CKMT2: variants seen among roughly 807,000 people sequenced by gnomAD.
CKMT2 encodes creatine kinase, mitochondrial 2.
Under a neutral mutation model 48.9 loss-of-function variants are expected in CKMT2, and 43 were observed. The ratio of observed to expected loss-of-function variants is 0.88; its 90% confidence interval spans 0.69 to 1.13. The LOEUF (loss-of-function observed/expected upper bound fraction) is 1.13. CKMT2 is among the 50% of genes most tolerant of loss of function. CKMT2 has a pLI of 0.00. For synonymous variants in CKMT2, 206 were observed against 213.0 expected (o/e 0.97, Z 0.29); for missense variants, 472 against 555.4 (o/e 0.85, Z 1.51).
chr5:81,255,473 G>A (rs148096093), intron 5 of CKMT2, among the ~76,000 whole-genome samples: 166 of 152,338 alleles, frequency 1.1e-3, no homozygotes, highest in African/African-American at 3.8e-3. Flanking sequence ...TGGTGCCTGC[G>A]GTTAGGAGGG....
chr5:81,251,365 A>C, intron 2 of CKMT2, 81 bp downstream of exon 2: 1 of 1,452,178 alleles, frequency 6.9e-7, no homozygotes, highest in Non-Finnish European at 9.5e-7. Context: ...GGAAGGCCAG[A>C]TCACGAGGTC....
At chr5:81,241,618 A>C (rs1033812986) in intron 1 of CKMT2, among the ~76,000 whole-genome samples, 1 of 152,250 alleles carries the variant, frequency 6.6e-6, no homozygotes, top group African/African-American at 2.4e-5. Flanking sequence ...GCAATTAGCG[A>C]ACACAAATGG....
chr5:81,251,300 T>A lies in CKMT2; in HGVS notation c.152+16T>A. ...TTCCTCCAAGGTAAGGGCTCCTGAC[T>A]TTAAAATAACCTCAGGCCAGGCACG... On this transcript the variant is annotated intron_variant, in intron 2 of 9. Coordinates refer to ENST00000254035, the MANE Select transcript of CKMT2 (RefSeq NM_001099735.2). The A allele has an allele frequency of 6.2e-7, 1 of 1,612,910 alleles. No individual in the cohort carries two copies. The highest frequency in any genetic ancestry group is 1.7e-4 in the Middle Eastern group (1 of 5,734).
chr5:81,258,536 A>G (rs1757094621), intron 7 of CKMT2, among the ~76,000 whole-genome samples: 1 of 152,140 alleles, frequency 6.6e-6, no homozygotes, highest in South Asian at 2.1e-4. Context: ...CAGGCCAGGT[A>G]CTATGTTGAC....
intron 5 of CKMT2, among the ~76,000 whole-genome samples, chr5:81,256,127 G>A (rs1477955553): frequency 6.6e-6 from 1 of 152,086 alleles, no homozygotes; most frequent in East Asian, 1.9e-4. Context: ...ATATCTCTCT[G>A]TAGAGTATGT....
At chr5:81,244,874 C>CA (rs1218269287) in intron 1 of CKMT2, 1 of 128,086 alleles carries the variant, frequency 7.8e-6, no homozygotes, top group Admixed American at 9.1e-5. Flanking sequence ...TTTTTTGAGA[C>CA]AGAGTCTTAC....
chr5:81,243,474 C>T (rs985276288), intron 1 of CKMT2, among the ~76,000 whole-genome samples: 12 of 152,032 alleles, frequency 7.9e-5, no homozygotes, highest in Non-Finnish European at 1.3e-4. Context: ...ATAGAAACAG[C>T]AAACCAATAT....
rs929146437 is a variant in CKMT2, at chr5:81,247,910, C to G, written c.-20-3203C>G. On this transcript the variant is annotated intron_variant, in intron 1 of 9. Transcript: ENST00000254035. ...ACAATCAAAGCTTCCCCAGGATTAT[C>G]TGCATGAGTCATCCTTTGTTGCTCA... 7.4e-4 allele frequency among the ~76,000 whole-genome samples: 113 copies of G among 152,288 alleles called. 2 individuals carry two copies. Among genetic ancestry groups the G allele is most frequent in the African/African-American group, 2.5e-3 (105 of 41,544 alleles).
chr5:81,251,336 C>A, intron 2 of CKMT2, 52 bp downstream of exon 2: 1 of 1,582,628 alleles, frequency 6.3e-7, no homozygotes, highest in Non-Finnish European at 8.6e-7. Flanking sequence ...GTGGCTCATG[C>A]ATGTAATCCC....
chr5:81,257,539 A>G (rs1757056169), intron 6 of CKMT2, among the ~76,000 whole-genome samples, 194 bp from the exon 7 acceptor site: 1 of 152,306 alleles, frequency 6.6e-6, no homozygotes, highest in East Asian at 1.9e-4. Context: ...TTTTAGGGTG[A>G]GAGTTGGTCT....
chr5:81,249,370 C>T (rs1037667128), intron 1 of CKMT2, among the ~76,000 whole-genome samples: 24 of 152,166 alleles, frequency 1.6e-4, no homozygotes, highest in Admixed American at 6.5e-4. Flanking sequence ...CATGAGCCAC[C>T]ATCCCGGGCC....
chr5:81,243,727 C>T (rs1271772565), intron 1 of CKMT2, among the ~76,000 whole-genome samples: 1 of 151,966 alleles, frequency 6.6e-6, no homozygotes, highest in Non-Finnish European at 1.5e-5. Context: ...GTCTCTATCA[C>T]CCAGGCTGCT....
At chr5:81,260,965 C>T (rs1307322678) in intron 8 of CKMT2, among the ~76,000 whole-genome samples, 1 of 152,212 alleles carries the variant, frequency 6.6e-6, no homozygotes, top group Non-Finnish European at 1.5e-5. Flanking sequence ...TGAAAATCCT[C>T]AATAAAATAC....
At chr5:81,251,453 T>G (rs1460611008) in intron 2 of CKMT2, among the ~76,000 whole-genome samples, 169 bp downstream of exon 2, 4 of 152,146 alleles carry the variant, frequency 2.6e-5, no homozygotes, top group Non-Finnish European at 4.4e-5. Context: ...CTAGGCATAG[T>G]GGCACATGCC....
intron 8 of CKMT2, among the ~76,000 whole-genome samples, chr5:81,262,403 C>T (rs953477237): frequency 5.3e-5 from 8 of 152,008 alleles, no homozygotes; most frequent in South Asian, 2.1e-4. Context: ...AGGCAACCTA[C>T]GGAATGGGAG....
intron 1 of CKMT2, chr5:81,237,845 C>T (rs1406715075): frequency 6.6e-6 from 1 of 152,116 alleles, no homozygotes; most frequent in East Asian, 1.9e-4. Flanking sequence ...AAAGGTGTCA[C>T]AGATGGGCCT....
At chr5:81,235,510 G>C (rs983080940) in intron 1 of CKMT2, among the ~76,000 whole-genome samples, 2 of 152,174 alleles carry the variant, frequency 1.3e-5, no homozygotes, top group African/African-American at 4.8e-5. Context: ...CAGACACATG[G>C]ACGCTGTGAA....
chr5:81,242,321 A>G, intron 1 of CKMT2: 1 of 372,256 alleles, frequency 2.7e-6, no homozygotes, highest in African/African-American at 2.1e-5. Flanking sequence ...TTGTGAGACA[A>G]AGGTTTGTTC....
At chr5:81,250,978 CAGAAAGAG>C (rs1756788373) in intron 1 of CKMT2, 127 bp from the exon 2 acceptor site, 4 of 646,398 alleles carry the variant, frequency 6.2e-6, no homozygotes, top group African/African-American at 1.9e-5. Context: ...CACACACACA[CAGAAAGAG>C]AGAGAGAGAG....
Sources: allele counts gnomAD v4.1 joint callset (sites outside exome capture counted in the v4.1 genomes callset), GRCh38; gene constraint gnomAD v4.1.1; transcripts MANE v1.5; gene names NCBI Gene and HGNC (gene_info 2026-07-23, HGNC 2026-07-21).